The following ZNF804A variants were observed in gnomAD, a reference collection of about 807,000 sequenced individuals.
ZNF804A encodes the protein zinc finger protein 804A.
In ZNF804A, 2 loss-of-function variants were observed where a neutral mutation model predicts 16.5. That is an observed-to-expected ratio of 0.12 (90% CI 0.05 to 0.38). The LOEUF (loss-of-function observed/expected upper bound fraction) is 0.38. Among genes scored for constraint, ZNF804A ranks in the 10% least tolerant of loss-of-function variants. ZNF804A has a pLI of 0.99. For synonymous variants in ZNF804A, 534 were observed against 489.6 expected (o/e 1.09, Z -1.20); for missense variants, 1,473 against 1,390.7 (o/e 1.06, Z -0.94).
rs763297065 is a variant in ZNF804A, at chr2:184,599,010, C to CT, written c.54dup (p.Arg19SerfsTer23). On this transcript the variant is annotated frameshift_variant, in exon 1 of 4. Coordinates refer to ENST00000302277, the MANE Select transcript of ZNF804A (RefSeq NM_194250.2). LOFTEE classifies it high-confidence loss of function. ...GCTCCACGCATCTCAGCAACGGACA[C>CT]TTTCGCAACATCAAGGGAGTTTTCC... 1 of 1,614,160 alleles carries CT rather than the reference C, an allele frequency of 6.2e-7. No homozygotes were observed. The highest frequency in any genetic ancestry group is 8.5e-7 in the Non-Finnish European group (1 of 1,179,988).
chr2:184,869,837 A>G (rs1695945910), intron 2 of ZNF804A, among the ~76,000 whole-genome samples: 1 of 152,048 alleles, frequency 6.6e-6, no homozygotes, highest in African/African-American at 2.4e-5. Flanking sequence ...TTTGAACTCT[A>G]AACTTCAAAG....
intron 2 of ZNF804A, among the ~76,000 whole-genome samples, chr2:184,900,071 A>T (rs774510185): frequency 4.1e-4 from 62 of 152,256 alleles, no homozygotes; most frequent in Non-Finnish European, 8.1e-4. Flanking sequence ...AGAATCTAAG[A>T]AAAATTTTTA....
chr2:184,604,083 G>T (rs1441745374), intron 1 of ZNF804A, among the ~76,000 whole-genome samples: 1 of 143,856 alleles, frequency 7.0e-6, no homozygotes. Context: ...TTTGAATAGC[G>T]ATATAATGTC....
intron 1 of ZNF804A, among the ~76,000 whole-genome samples, chr2:184,829,741 A>AT (rs977204794): frequency 6.6e-6 from 1 of 151,290 alleles, no homozygotes; most frequent in East Asian, 1.9e-4. Flanking sequence ...CACTGATTAC[A>AT]TTTTTTTCCT....
intron 2 of ZNF804A, among the ~76,000 whole-genome samples, chr2:184,932,266 C>T (rs1685714527): frequency 6.6e-6 from 1 of 152,082 alleles, no homozygotes. Flanking sequence ...CACCAATTTA[C>T]CATATTAGTT....
intron 1 of ZNF804A, among the ~76,000 whole-genome samples, chr2:184,732,248 A>G (rs567040522): frequency 1.1e-5 from 1 of 88,692 alleles, no homozygotes. Flanking sequence ...TTGTGTTTAA[A>G]CTCATTTTTT....
chr2:184,754,235 T>A (rs767806470), intron 1 of ZNF804A, among the ~76,000 whole-genome samples: 1 of 151,904 alleles, frequency 6.6e-6, no homozygotes, highest in African/African-American at 2.4e-5. Flanking sequence ...TGACAGATAT[T>A]GTGCAGTTTA....
intron 1 of ZNF804A, among the ~76,000 whole-genome samples, chr2:184,649,831 C>CAA (rs57435962): frequency 0.037 from 4,882 of 130,572 alleles, 125 homozygotes; most frequent in East Asian, 0.066. Flanking sequence ...ACAAATCAAC[C>CAA]AAAAAAAAAA....
At chr2:184,866,288 G>A in intron 1 of ZNF804A, 81 bp from the exon 2 acceptor site, 1 of 1,320,652 alleles carries the variant, frequency 7.6e-7, no homozygotes. Flanking sequence ...TCTAATTATT[G>A]TACTATAGTT....
In ZNF804A at chr2:184,871,452, T is replaced by G. The variant is rs1411571499; in HGVS notation, c.255+4940T>G. On this transcript the variant is annotated intron_variant, in intron 2 of 3. Transcript: ENST00000302277. ...AAACAAAAAAAAACTCAATTTAGAT[T>G]TTCCACTGAATATTATTAACAAAAT... Among the ~76,000 whole-genome samples, 3 of 150,864 alleles carry G rather than the reference T, an allele frequency of 2.0e-5. No homozygotes were observed. In the East Asian group the frequency reaches 5.8e-4, roughly 29 times the overall value.
chr2:184,849,477 G>C (rs1448290543), intron 1 of ZNF804A, among the ~76,000 whole-genome samples: 2 of 151,928 alleles, frequency 1.3e-5, no homozygotes, highest in African/African-American at 4.8e-5. Context: ...AGTATTATAT[G>C]AAAAAATGCT....
intron 2 of ZNF804A, among the ~76,000 whole-genome samples, chr2:184,876,982 G>A (rs747859750): frequency 9.2e-5 from 14 of 151,650 alleles, no homozygotes; most frequent in South Asian, 8.3e-4. Flanking sequence ...GTCCTACCAC[G>A]TTGAGTTTTT....
rs763777196 is a variant in ZNF804A at position 184,936,983 on chromosome 2, T to C, written c.1587T>C (p.Asp529=). ...GCCAAGTCACTCCTCTTTTGGCTGA[T>C]GATATTCTCTCCAGTAGTTGTGATT... The part of the protein sequence containing the change: ...KCSQVTPLLA[D]DILSSSCDSG... The change falls in exon 4 of 4, where the codon GAT becomes GAC. Residue 529 remains aspartate (D), a synonymous_variant. Transcript: ENST00000302277. 32 of 1,613,792 alleles carry C rather than the reference T, an allele frequency of 2.0e-5. No homozygotes were observed. The highest frequency in any genetic ancestry group is 2.3e-5 in the Non-Finnish European group (27 of 1,179,944).
chr2:184,607,112 G>A (rs1691159385), intron 1 of ZNF804A, among the ~76,000 whole-genome samples: 1 of 152,006 alleles, frequency 6.6e-6, no homozygotes, highest in Admixed American at 6.5e-5. Flanking sequence ...TGTTTGCCTG[G>A]ATTACAATTT....
intron 2 of ZNF804A, among the ~76,000 whole-genome samples, chr2:184,890,820 A>T (rs1684969171): frequency 6.6e-6 from 1 of 150,630 alleles, no homozygotes. Context: ...ATTATATTCT[A>T]TATCTGGTTC....
intron 1 of ZNF804A, among the ~76,000 whole-genome samples, chr2:184,813,741 G>T (rs13417604): frequency 6.6e-5 from 10 of 151,920 alleles, no homozygotes; most frequent in African/African-American, 2.2e-4. Flanking sequence ...TGCCACTACA[G>T]GTCTATTCTA....
In ZNF804A at chr2:184,810,538, T is replaced by G. The variant is rs538753989; in HGVS notation, c.112-55831T>G. Among the ~76,000 whole-genome samples, 4 of 146,184 alleles carry G rather than the reference T, an allele frequency of 2.7e-5. No individual in the cohort carries two copies. The East Asian group carries it at 8.3e-4, about 30-fold the overall frequency. On this transcript the variant is annotated intron_variant, in intron 1 of 3. Transcript: ENST00000302277. ...CGGAGTCTCACTCTGTCGCCCAGGC[T>G]GGAGTGCAGTGGAGCGATCTCTGCT...
chr2:184,735,243 T>C (rs1693588589), intron 1 of ZNF804A, among the ~76,000 whole-genome samples: 1 of 152,196 alleles, frequency 6.6e-6, no homozygotes, highest in African/African-American at 2.4e-5. Context: ...CTTTTCTTTC[T>C]TACATAGGTC....
chr2:184,830,069 C>A (rs1018877362), intron 1 of ZNF804A, among the ~76,000 whole-genome samples: 1 of 151,186 alleles, frequency 6.6e-6, no homozygotes, highest in Non-Finnish European at 1.5e-5. Flanking sequence ...GTACTCTAGC[C>A]TGGGTGCCAG....
Sources: gnomAD v4.1 joint callset for allele counts (sites outside exome capture counted in the v4.1 genomes callset) on GRCh38, gnomAD v4.1.1 for gene constraint, MANE v1.5 for transcripts, NCBI Gene and HGNC (gene_info 2026-07-23, HGNC 2026-07-21) for gene names.